The following HEMK2 variants were observed in gnomAD, a reference collection of about 807,000 sequenced individuals.
HEMK2 encodes the protein methyltransferase HEMK2.
the HEMK2 span, among the ~76,000 whole-genome samples, chr21:28,816,072 A>C: frequency 0.18 from 27,090 of 152,178 alleles, 3,043 homozygotes; most frequent in East Asian, 0.4. Flanking sequence ...GTGAAGAGGC[A>C]GCAAGAGATG....
the HEMK2 span, among the ~76,000 whole-genome samples, chr21:28,638,530 G>A: frequency 2.2e-4 from 33 of 152,312 alleles, no homozygotes; most frequent in African/African-American, 7.7e-4. Flanking sequence ...GAGAGGACAT[G>A]TCTGATTTTG....
chr21:28,607,372 C>T, the HEMK2 span, among the ~76,000 whole-genome samples: 4 of 152,042 alleles, frequency 2.6e-5, no homozygotes, highest in Non-Finnish European at 5.9e-5. Context: ...GATCGTGCCA[C>T]TGCACTCCAG....
the HEMK2 span, among the ~76,000 whole-genome samples, chr21:28,795,049 TGTAGG>T: frequency 6.6e-6 from 1 of 152,210 alleles, no homozygotes; most frequent in Non-Finnish European, 1.5e-5. Flanking sequence ...TAAAGGGCCT[TGTAGG>T]GTCAAATGAA....
At chr21:28,646,170 T>C in the HEMK2 span, among the ~76,000 whole-genome samples, 1 of 152,170 alleles carries the variant, frequency 6.6e-6, no homozygotes, top group African/African-American at 2.4e-5. Flanking sequence ...CTGTATGTTA[T>C]CATTATAATA....
At chr21:28,865,908 C>T in the HEMK2 span, among the ~76,000 whole-genome samples, 127,161 of 151,718 alleles carry the variant, frequency 0.84, 53,750 homozygotes, top group South Asian at 0.93. Flanking sequence ...TCTAAAGTTG[C>T]CCTTTTCTTT....
At chr21:28,583,986 T>C in the HEMK2 span, among the ~76,000 whole-genome samples, 1 of 152,208 alleles carries the variant, frequency 6.6e-6, no homozygotes. Context: ...AAAGAAAATG[T>C]ACAGGAGTCT....
At chr21:28,866,768 G>A in the HEMK2 span, among the ~76,000 whole-genome samples, 419 of 152,228 alleles carry the variant, frequency 2.8e-3, 3 homozygotes, top group African/African-American at 9.8e-3. Flanking sequence ...AAATTGACAC[G>A]ATTGAGTAGA....
the HEMK2 span, among the ~76,000 whole-genome samples, chr21:28,603,611 A>G: frequency 7.3e-6 from 1 of 137,696 alleles, no homozygotes; most frequent in Non-Finnish European, 1.6e-5. Context: ...TTGCAAGGGG[A>G]AAGTAACATA....
chr21:28,684,812 C>T, the HEMK2 span, among the ~76,000 whole-genome samples: 2 of 152,150 alleles, frequency 1.3e-5, no homozygotes, highest in African/African-American at 4.8e-5. Flanking sequence ...CCTTGATGAC[C>T]AAGTACCTGT....
At chr21:28,823,693 A>C in the HEMK2 span, among the ~76,000 whole-genome samples, 1 of 152,178 alleles carries the variant, frequency 6.6e-6, no homozygotes, top group Non-Finnish European at 1.5e-5. Flanking sequence ...AGACACAGAT[A>C]AGTTAAAAAG....
At chr21:28,577,680 AT>A in the HEMK2 span, among the ~76,000 whole-genome samples, 1 of 152,194 alleles carries the variant, frequency 6.6e-6, no homozygotes, top group Non-Finnish European at 1.5e-5. Flanking sequence ...GCAATAAATA[AT>A]TTTTAGTATC....
chr21:28,818,137 CT>C, the HEMK2 span, among the ~76,000 whole-genome samples: 160 of 152,250 alleles, frequency 1.1e-3, 1 homozygote, highest in African/African-American at 3.5e-3. Flanking sequence ...TGAGCACAAT[CT>C]AATCAGCAGC....
At chr21:28,693,307 G>C in the HEMK2 span, among the ~76,000 whole-genome samples, 1 of 152,176 alleles carries the variant, frequency 6.6e-6, no homozygotes, top group African/African-American at 2.4e-5. Flanking sequence ...TTTGTGAGGG[G>C]TTTTAGGCAT....
the HEMK2 span, among the ~76,000 whole-genome samples, chr21:28,623,749 C>T: frequency 2.0e-5 from 3 of 152,116 alleles, no homozygotes; most frequent in East Asian, 1.9e-4. Flanking sequence ...AACCAAACAC[C>T]GCATGTTCTC....
the HEMK2 span, among the ~76,000 whole-genome samples, chr21:28,694,722 T>C: frequency 6.6e-6 from 1 of 152,198 alleles, no homozygotes; most frequent in Non-Finnish European, 1.5e-5. Flanking sequence ...CCGGACGCAG[T>C]GGCTCACGCC....
At chr21:28,830,597 G>A in the HEMK2 span, among the ~76,000 whole-genome samples, 2 of 152,188 alleles carry the variant, frequency 1.3e-5, no homozygotes, top group African/African-American at 4.8e-5. Context: ...TATGGATGGA[G>A]GCCAGGCGCG....
At chr21:28,849,663 T>C in the HEMK2 span, among the ~76,000 whole-genome samples, 1 of 152,182 alleles carries the variant, frequency 6.6e-6, no homozygotes, top group African/African-American at 2.4e-5. Flanking sequence ...GAAATCGCCA[T>C]TTTAAGAAAA....
the HEMK2 span, among the ~76,000 whole-genome samples, chr21:28,766,648 A>G: frequency 2.0e-5 from 3 of 152,088 alleles, no homozygotes; most frequent in Non-Finnish European, 4.4e-5. Flanking sequence ...TACGGTATAT[A>G]TACACCATGG....
chr21:28,594,678 T>C, the HEMK2 span, among the ~76,000 whole-genome samples: 1 of 152,210 alleles, frequency 6.6e-6, no homozygotes, highest in Non-Finnish European at 1.5e-5. Flanking sequence ...AGATGATTAA[T>C]TTTAAGTGAT....
Sources: allele counts gnomAD v4.1 joint callset (sites outside exome capture counted in the v4.1 genomes callset), GRCh38; gene constraint gnomAD v4.1.1; transcripts MANE v1.5; gene names NCBI Gene and HGNC (gene_info 2026-07-23, HGNC 2026-07-21).